Variants in DSCAM observed in about 807,000 individuals in gnomAD.
The protein encoded by DSCAM is DS cell adhesion molecule, also known as cell adhesion molecule DSCAM.
Under a neutral mutation model 217.7 loss-of-function variants are expected in DSCAM, and 47 were observed. That is an observed-to-expected ratio of 0.22 (90% CI 0.17 to 0.28). The LOEUF (loss-of-function observed/expected upper bound fraction) is 0.28, where lower values mean the gene tolerates loss of function less well. DSCAM is among the 10% of genes least tolerant of loss of function. DSCAM has a pLI of 1.00. For missense variants in DSCAM, 2,080 were observed against 2,618.3 expected (o/e 0.79, Z 4.49); for synonymous variants, 1,056 against 1,015.3 (o/e 1.04, Z -0.76).
intron 3 of DSCAM, among the ~76,000 whole-genome samples, chr21:40,453,452 A>G (rs1174051935): frequency 6.6e-6 from 1 of 152,202 alleles, no homozygotes; most frequent in East Asian, 1.9e-4. Flanking sequence ...TCAATGCACA[A>G]AACGCCTGCA....
At chr21:40,451,142 G>C (rs2075715684) in intron 3 of DSCAM, among the ~76,000 whole-genome samples, 1 of 152,184 alleles carries the variant, frequency 6.6e-6, no homozygotes. Flanking sequence ...ATCATCCAGA[G>C]GCTCTGCCCC....
rs566196708 is a variant in DSCAM, at chr21:40,557,957, C to A, written c.508+134853G>T. ...ACGTTAGCAATACCTGTTTACTGAT[C>A]CTACAGTATCTTATTGTGTAGCTTC... On this transcript the variant is annotated intron_variant, in intron 3 of 32. Coordinates refer to ENST00000400454, the MANE Select transcript of DSCAM (RefSeq NM_001389.5). Among the ~76,000 whole-genome samples the A allele has an allele frequency of 6.8e-4, 104 of 152,294 alleles. 2 individuals are homozygous for A. The South Asian group carries it at 0.021, about 31-fold the overall frequency.
chr21:40,694,562 G>A (rs4818164), intron 2 of DSCAM, among the ~76,000 whole-genome samples: 3 of 151,942 alleles, frequency 2.0e-5, no homozygotes, highest in East Asian at 1.9e-4. Flanking sequence ...AACATTAGCC[G>A]TTTTTCCCCA....
At chr21:40,424,584 T>A (rs1010154586) in intron 3 of DSCAM, among the ~76,000 whole-genome samples, 1 of 152,116 alleles carries the variant, frequency 6.6e-6, no homozygotes. Flanking sequence ...TCCAGAACTG[T>A]GAGAGAATCA....
Position 40,083,370 on chromosome 21 carries a change from A to G in DSCAM, c.4231+538T>C, listed in dbSNP as rs538552055. On this transcript the variant is annotated intron_variant, in intron 24 of 32. Transcript: ENST00000400454. ...CTTCAACTCGACAGGCGGAGGTTGC[A>G]GTGAGCTGAGATAGTGCCACTGCAC... is the stretch of plus-strand genomic sequence containing the variant. 3.2e-4 allele frequency among the ~76,000 whole-genome samples: 48 copies of G among 152,368 alleles called. No homozygotes were observed. The South Asian group carries it at 9.7e-3, about 31-fold the overall frequency.
chr21:40,270,413 A>G (rs954270933), intron 11 of DSCAM, among the ~76,000 whole-genome samples: 1 of 152,212 alleles, frequency 6.6e-6, no homozygotes, highest in African/African-American at 2.4e-5. Flanking sequence ...TGAGTGTTGC[A>G]TATGTGCAGG....
chr21:40,420,511 T>C (rs1434968973), intron 3 of DSCAM, among the ~76,000 whole-genome samples: 1 of 152,152 alleles, frequency 6.6e-6, no homozygotes, highest in Non-Finnish European at 1.5e-5. Context: ...AAGGTCAGGA[T>C]TCAGGAGAGT....
chr21:40,513,774 T>C (rs189736234), intron 3 of DSCAM, among the ~76,000 whole-genome samples: 1 of 152,126 alleles, frequency 6.6e-6, no homozygotes, highest in Admixed American at 6.5e-5. Context: ...CCAAACTATG[T>C]CAACATGGTG....
In DSCAM at chr21:40,170,468, A is replaced by G. The variant is rs536194525; in HGVS notation, c.2948-3180T>C. On this transcript the variant is annotated intron_variant, in intron 15 of 32. Coordinates refer to ENST00000400454, the MANE Select transcript of DSCAM (RefSeq NM_001389.5). ...AGTCTGGAGTGCTACAGCCTCTCAG[A>G]TCTATTAGTTCCAAAAATGCAAAGG... 5.9e-5 allele frequency among the ~76,000 whole-genome samples: 9 copies of G among 152,264 alleles called. No individual in the cohort carries two copies. In the East Asian group the frequency reaches 1.7e-3, roughly 29 times the overall value.
chr21:40,650,427 T>A (rs1485974507), intron 3 of DSCAM, among the ~76,000 whole-genome samples: 2 of 152,364 alleles, frequency 1.3e-5, no homozygotes, highest in Non-Finnish European at 2.9e-5. Context: ...TAAACATTAT[T>A]TCTGGGTGTG....
In DSCAM at chr21:40,140,542, A is replaced by G. The variant is rs373209870; in HGVS notation, c.3406+2016T>C. Among the ~76,000 whole-genome samples the G allele has an allele frequency of 1.3e-4, 20 of 152,328 alleles. 1 individual carries two copies. The East Asian group carries it at 3.5e-3, about 26-fold the overall frequency. ...ATAAGAACAGAAAAGACATCTTAGC[A>G]TAACACTGCCTTTCAAAGAACATTA... is the stretch of plus-strand genomic sequence containing the variant. On this transcript the variant is annotated intron_variant, in intron 18 of 32. Transcript: ENST00000400454.
intron 1 of DSCAM, among the ~76,000 whole-genome samples, chr21:40,799,404 A>C (rs1011283188): frequency 6.6e-6 from 1 of 152,176 alleles, no homozygotes; most frequent in African/African-American, 2.4e-5. Flanking sequence ...GAGAAAAAAA[A>C]CTCAAAGTAA....
intron 20 of DSCAM, among the ~76,000 whole-genome samples, chr21:40,110,129 T>G (rs2089876912): frequency 1.3e-5 from 2 of 152,088 alleles, no homozygotes; most frequent in Admixed American, 1.3e-4. Context: ...CTCAAGTGGG[T>G]CCCTGACCCC....
intron 3 of DSCAM, among the ~76,000 whole-genome samples, chr21:40,619,724 T>C (rs2089453565): frequency 6.6e-6 from 1 of 152,074 alleles, no homozygotes; most frequent in African/African-American, 2.4e-5. Flanking sequence ...CGATACTTTC[T>C]AGACTTAATG....
chr21:40,236,478 A>C (rs1455156385), intron 11 of DSCAM, among the ~76,000 whole-genome samples: 1 of 152,102 alleles, frequency 6.6e-6, no homozygotes, highest in East Asian at 1.9e-4. Context: ...TGTTACTTCC[A>C]GGGTACAAAT....
chr21:40,754,359 G>C lies in DSCAM; in HGVS notation c.44-45588C>G, dbSNP rs61165697. 4.0e-3 allele frequency among the ~76,000 whole-genome samples: 616 copies of C among 152,326 alleles called. 4 individuals carry two copies. Among genetic ancestry groups the C allele is most frequent in the African/African-American group, 0.014 (592 of 41,578 alleles). On this transcript the variant is annotated intron_variant, in intron 1 of 32. Transcript: ENST00000400454. The stretch of plus-strand genomic sequence containing the variant: ...TCAGAATCCCCCAGAAGGAGACTCT[G>C]TGACAGGGATTCAAGCAAAAGTAGT...
intron 4 of DSCAM, among the ~76,000 whole-genome samples, chr21:40,357,241 C>T (rs764304831): frequency 2.0e-5 from 3 of 152,204 alleles, no homozygotes; most frequent in Non-Finnish European, 2.9e-5. Flanking sequence ...AAGGAAATTA[C>T]AAACGGACTT....
chr21:40,099,018 C>T (rs1381461979), intron 20 of DSCAM, among the ~76,000 whole-genome samples: 1 of 152,154 alleles, frequency 6.6e-6, no homozygotes, highest in Non-Finnish European at 1.5e-5. Context: ...TTGTGTGATT[C>T]TCCAAGGCTA....
intron 3 of DSCAM, among the ~76,000 whole-genome samples, chr21:40,409,844 G>A (rs1352725040): frequency 6.6e-6 from 1 of 152,202 alleles, no homozygotes; most frequent in African/African-American, 2.4e-5. Flanking sequence ...TTGAGGCCAA[G>A]TAACTCAACT....
Sources: allele counts gnomAD v4.1 joint callset (sites outside exome capture counted in the v4.1 genomes callset), GRCh38; gene constraint gnomAD v4.1.1; transcripts MANE v1.5; gene names NCBI Gene and HGNC (gene_info 2026-07-23, HGNC 2026-07-21).